The following VAV1 variants were observed in gnomAD, a reference collection of about 807,000 sequenced individuals.
VAV1 encodes proto-oncogene vav.
In VAV1, 33 loss-of-function variants were observed where a neutral mutation model predicts 128.1. That is an observed-to-expected ratio of 0.26 (90% CI 0.20 to 0.34). VAV1 has a LOEUF of 0.34. VAV1 is among the 10% of genes least tolerant of loss of function. VAV1 has a pLI of 1.00. For missense variants in VAV1, 715 were observed against 1,093.7 expected (o/e 0.65, Z 4.88); for synonymous variants, 394 against 409.8 (o/e 0.96, Z 0.47).
At chr19:6,818,128 A>AT (rs945722884) in intron 1 of VAV1, among the ~76,000 whole-genome samples, 11 of 150,348 alleles carry the variant, frequency 7.3e-5, no homozygotes, top group Admixed American at 4.6e-4. Flanking sequence ...CTGACTTTTT[A>AT]TTTTTTGTGG....
intron 26 of VAV1, among the ~76,000 whole-genome samples, chr19:6,854,787 A>AC (rs1699398979): frequency 6.6e-6 from 1 of 152,178 alleles, no homozygotes. Context: ...GGAGCCCCTG[A>AC]CCCACCCTAG....
chr19:6,821,825 G>A lies in VAV1; in HGVS notation c.415G>A (p.Glu139Lys). 2 of 1,614,204 alleles carry A rather than the reference G, an allele frequency of 1.2e-6. No individual in the cohort carries two copies. The highest frequency in any genetic ancestry group is 8.5e-7 in the Non-Finnish European group (1 of 1,180,022). ...CACCGAGGAGGAGAGTGTAGGTGATGAAGACATCTACAGTGGCCTGTCCGA... is the reference window on the plus strand; with the variant it reads ...CACCGAGGAGGAGAGTGTAGGTGATAAAGACATCTACAGTGGCCTGTCCGA... ...FPTEEESVGD[E>K]DIYSGLSDQI... is the part of the protein sequence containing the mutation. Residue 139 changes from glutamate to lysine, a missense_variant, in exon 4 of 27, where the codon GAA becomes AAA. By Grantham distance (56) the Glu-to-Lys change is moderately conservative (BLOSUM62 1). Coordinates refer to ENST00000602142, the MANE Select transcript of VAV1 (RefSeq NM_005428.4).
At chr19:6,803,234 C>A (rs1036639262) in intron 1 of VAV1, among the ~76,000 whole-genome samples, 3 of 152,142 alleles carry the variant, frequency 2.0e-5, no homozygotes, top group Non-Finnish European at 4.4e-5. Flanking sequence ...GGCTGTGAGC[C>A]CGGAGTAATC....
chr19:6,841,252 C>T (rs960786991), intron 21 of VAV1, among the ~76,000 whole-genome samples: 1 of 152,082 alleles, frequency 6.6e-6, no homozygotes, highest in Non-Finnish European at 1.5e-5. Context: ...CCATGGTATG[C>T]ATATACCATG....
In VAV1 at chr19:6,814,637, C is replaced by CTCCT. The variant is rs1169076080; in HGVS notation, c.205-6031_205-6028dup. 5.1e-3 allele frequency among the ~76,000 whole-genome samples: 415 copies of CTCCT among 82,048 alleles called. 30 individuals are homozygous for CTCCT. The highest frequency in any genetic ancestry group is 0.013 in the African/African-American group (196 of 15,390). 53.8% of individuals were successfully genotyped at this position (82,048 alleles called of 152,430 possible). A position where few individuals can be genotyped will look rare whatever the true frequency, so the allele number is the denominator to read the frequency against. On this transcript the variant is annotated intron_variant, in intron 1 of 26. Coordinates refer to ENST00000602142, the MANE Select transcript of VAV1 (RefSeq NM_005428.4). ...TTCTTTCTTTCTTTCTTTTCTTTCT[C>CTCCT]TCCTTCCTTCCTTCCTTCCTTCCTT... is the stretch of plus-strand genomic sequence containing the variant.
intron 1 of VAV1, among the ~76,000 whole-genome samples, chr19:6,774,150 C>T (rs934598079): frequency 5.3e-5 from 8 of 152,034 alleles, no homozygotes; most frequent in Non-Finnish European, 1.2e-4. Flanking sequence ...TTTTTTGAGA[C>T]GGAGTCTCAC....
intron 23 of VAV1, among the ~76,000 whole-genome samples, chr19:6,848,556 C>T (rs1972584149): frequency 6.6e-6 from 1 of 151,316 alleles, no homozygotes; most frequent in Non-Finnish European, 1.5e-5. Context: ...GCGCCTGTGA[C>T]CATGCCCAGC....
chr19:6,832,577 C>G (rs568332593), intron 15 of VAV1, among the ~76,000 whole-genome samples: 3 of 131,780 alleles, frequency 2.3e-5, no homozygotes, highest in Non-Finnish European at 4.5e-5. Context: ...TCCCCTTCCT[C>G]CTCCTCGCCC....
Position 6,822,837 on chromosome 19 carries a change from A to T in VAV1, c.654+323A>T, listed in dbSNP as rs978702316. Among the ~76,000 whole-genome samples, 2 of 147,530 alleles carry T rather than the reference A, an allele frequency of 1.4e-5. No homozygotes were observed. The highest frequency in any genetic ancestry group is 4.9e-5 in the African/African-American group (2 of 40,820). On this transcript the variant is annotated intron_variant, in intron 6 of 26. Transcript: ENST00000602142. This position sits in a 1 kb window ranked among gnomAD's most constrained non-coding sequence, Gnocchi z 5.9. ...AAACATATACATAAATAGAAAATATATAAATATATACAAAGTATATATAAA... is the reference window on the plus strand; with the variant it reads ...AAACATATACATAAATAGAAAATATTTAAATATATACAAAGTATATATAAA...
intron 1 of VAV1, among the ~76,000 whole-genome samples, chr19:6,778,291 C>T (rs953483519): frequency 2.0e-5 from 3 of 152,136 alleles, no homozygotes; most frequent in African/African-American, 7.2e-5. Context: ...AACTTGAAGG[C>T]CAAGAGACTG....
At position 6,803,592 on chromosome 19, in the gene VAV1, T is replaced by C. The variant is rs115794560; in HGVS notation, c.205-17110T>C. On this transcript the variant is annotated intron_variant, in intron 1 of 26. Coordinates refer to ENST00000602142, the MANE Select transcript of VAV1 (RefSeq NM_005428.4). Reference sequence around the variant, plus strand: ...TTATTATTATTATTAGAGATGGACTTTTGCCCTTGTTGTCCAGGCTAGAGT... The same window carrying C: ...TTATTATTATTATTAGAGATGGACTCTTGCCCTTGTTGTCCAGGCTAGAGT... Among the ~76,000 whole-genome samples, 1,370 of 152,196 alleles carry C rather than the reference T, an allele frequency of 9.0e-3. 25 individuals are homozygous for C. The highest frequency in any genetic ancestry group is 0.031 in the African/African-American group (1,295 of 41,518).
intron 21 of VAV1, among the ~76,000 whole-genome samples, chr19:6,839,443 T>C (rs1599673293): frequency 6.6e-6 from 1 of 152,018 alleles, no homozygotes; most frequent in African/African-American, 2.4e-5. Context: ...ATTTTTTGTA[T>C]TTTTAGTAGA....
intron 22 of VAV1, among the ~76,000 whole-genome samples, chr19:6,843,521 A>T (rs1047122234): frequency 6.6e-6 from 1 of 152,158 alleles, no homozygotes; most frequent in Non-Finnish European, 1.5e-5. Flanking sequence ...CATGTCAAGC[A>T]TATAGGGGTG....
rs71177123 is a variant in VAV1, at chr19:6,844,063, C to CTTT, written c.2012+936_2012+938dup. On this transcript the variant is annotated intron_variant, in intron 22 of 26. Coordinates refer to ENST00000602142, the MANE Select transcript of VAV1 (RefSeq NM_005428.4). ...ACTTTCTTCTTTTCTTCTTCTTCTT[C>CTTT]TTTTTTTTTTTTTTTTTTTTTTTTT... Among the ~76,000 whole-genome samples the CTTT allele has an allele frequency of 3.1e-3, 66 of 21,314 alleles. 17 individuals carry two copies. The highest frequency in any genetic ancestry group is 6.7e-3 in the East Asian group (3 of 446). 14.0% of individuals were successfully genotyped at this position (21,314 alleles called of 152,430 possible). A position where few individuals can be genotyped will look rare whatever the true frequency, so the allele number is the denominator to read the frequency against.
At chr19:6,844,063 CTTTTTTTTTTTT>C (rs71177123) in intron 22 of VAV1, among the ~76,000 whole-genome samples, 46 of 21,296 alleles carry the variant, frequency 2.2e-3, no homozygotes, top group South Asian at 4.8e-3. Flanking sequence ...TCTTCTTCTT[CTTTTTTTTTTTT>C]TTTTTTTTTT....
rs964533109 is a variant in VAV1, at chr19:6,800,788, A to ATT, written c.205-19910_205-19909dup. Among the ~76,000 whole-genome samples, 14 of 53,872 alleles carry ATT rather than the reference A, an allele frequency of 2.6e-4. No individual in the cohort carries two copies. The South Asian group carries it at 6.2e-3, about 24-fold the overall frequency. 35.3% of individuals were successfully genotyped at this position (53,872 alleles called of 152,430 possible). A position where few individuals can be genotyped will look rare whatever the true frequency, so the allele number is the denominator to read the frequency against. On this transcript the variant is annotated intron_variant, in intron 1 of 26. Transcript: ENST00000602142. ...AGGCGCCTGTCACCACGCCTGGCAAATTTTTGTGTGTGTGTGTGTGTGCAG... is the reference window on the plus strand; with the variant it reads ...AGGCGCCTGTCACCACGCCTGGCAAATTTTTTTGTGTGTGTGTGTGTGTGCAG...
chr19:6,839,198 G>C (rs991939096), intron 21 of VAV1, among the ~76,000 whole-genome samples: 2 of 151,160 alleles, frequency 1.3e-5, no homozygotes, highest in African/African-American at 2.4e-5. Flanking sequence ...ACTGCACCCA[G>C]CCGCAGCTGT....
intron 22 of VAV1, among the ~76,000 whole-genome samples, chr19:6,844,280 G>A (rs940508244): frequency 4.0e-5 from 6 of 151,298 alleles, no homozygotes; most frequent in African/African-American, 7.3e-5. Flanking sequence ...GCGCAATGGC[G>A]TGATCTCGGC....
At chr19:6,844,427 G>A (rs1485326224) in intron 22 of VAV1, among the ~76,000 whole-genome samples, 1 of 151,992 alleles carries the variant, frequency 6.6e-6, no homozygotes, top group Non-Finnish European at 1.5e-5. Context: ...ATGTTGGCCA[G>A]GCTGGTCTCG....
Sources: allele counts gnomAD v4.1 joint callset (sites outside exome capture counted in the v4.1 genomes callset), GRCh38; gene constraint gnomAD v4.1.1; non-coding constraint Gnocchi (gnomAD v3.1); transcripts MANE v1.5; gene names NCBI Gene and HGNC (gene_info 2026-07-23, HGNC 2026-07-21).